RGS9: variants seen among roughly 807,000 people sequenced by gnomAD.
RGS9 encodes the protein regulator of G-protein signalling 9.
Under a neutral mutation model 102.0 loss-of-function variants are expected in RGS9, and 78 were observed. The observed-to-expected ratio is 0.76, with a 90% confidence interval of 0.64 to 0.92. The LOEUF (loss-of-function observed/expected upper bound fraction) is 0.92, where lower values mean the gene tolerates loss of function less well. RGS9 is among the 40% of genes least tolerant of loss of function. RGS9 has a pLI of 0.00. For synonymous variants in RGS9, 353 were observed against 318.6 expected (o/e 1.11, Z -1.15); for missense variants, 833 against 866.1 (o/e 0.96, Z 0.48).
chr17:65,191,812 G>A (rs975496730), intron 11 of RGS9, among the ~76,000 whole-genome samples: 4 of 152,186 alleles, frequency 2.6e-5, no homozygotes, highest in African/African-American at 7.2e-5. Flanking sequence ...ATAAGCCAGG[G>A]GGCTTGAGTT....
At chr17:65,190,096 C>T in intron 10 of RGS9, 79 bp from the exon 11 acceptor site, 1 of 1,165,014 alleles carries the variant, frequency 8.6e-7, no homozygotes, top group African/African-American at 1.5e-5. Context: ...TAAATGGCTT[C>T]TGGGTTTGGA....
chr17:65,210,730 C>A, intron 17 of RGS9, 125 bp downstream of exon 17: 1 of 1,501,416 alleles, frequency 6.7e-7, no homozygotes, highest in Non-Finnish European at 9.0e-7. Flanking sequence ...GGGTCAGAGT[C>A]TAGAAGGTTC....
chr17:65,162,065 A>G (rs115145410), intron 6 of RGS9, among the ~76,000 whole-genome samples: 1,809 of 152,012 alleles, frequency 0.012, 44 homozygotes, highest in African/African-American at 0.042. Context: ...CTTAGGGTTT[A>G]TTTTGTGAAT....
intron 9 of RGS9, among the ~76,000 whole-genome samples, chr17:65,187,910 C>A (rs1031858094): frequency 6.6e-6 from 1 of 152,182 alleles, no homozygotes; most frequent in Non-Finnish European, 1.5e-5. Context: ...GCAGGAGAAT[C>A]ACTTGAACCC....
chr17:65,179,189 A>G (rs1338313893), intron 9 of RGS9, among the ~76,000 whole-genome samples: 1 of 151,964 alleles, frequency 6.6e-6, no homozygotes, highest in Non-Finnish European at 1.5e-5. Flanking sequence ...AGGAGGGTGG[A>G]AGTGGGAGGG....
At chr17:65,210,755 G>A in intron 17 of RGS9, 150 bp downstream of exon 17, 1 of 1,360,476 alleles carries the variant, frequency 7.4e-7, no homozygotes. Flanking sequence ...CCCCATTTGT[G>A]GAGGTCATCA....
chr17:65,142,228 A>C lies in RGS9; in HGVS notation c.57+4631A>C, dbSNP rs148191569. 7.5e-3 allele frequency among the ~76,000 whole-genome samples: 1,136 copies of C among 152,326 alleles called. 15 individuals carry two copies. Among genetic ancestry groups the C allele is most frequent in the African/African-American group, 0.026 (1,073 of 41,568 alleles). On this transcript the variant is annotated intron_variant, in intron 1 of 18. Transcript: ENST00000262406. ...CACCGCACTCCAGCCTGGGTGACAG[A>C]GCAAGACTCAGTCTCAAAAAAAACC...
At chr17:65,194,548 G>A (rs547943767) in intron 12 of RGS9, among the ~76,000 whole-genome samples, 1 of 152,148 alleles carries the variant, frequency 6.6e-6, no homozygotes, top group Non-Finnish European at 1.5e-5. Context: ...GGCGGGCAGG[G>A]CCCTAAACCT....
At chr17:65,194,096 C>T (rs1274420286) in intron 12 of RGS9, among the ~76,000 whole-genome samples, 3 of 152,290 alleles carry the variant, frequency 2.0e-5, no homozygotes, top group African/African-American at 4.8e-5. Context: ...GTCAGTTGAC[C>T]TGTGTATTGA....
intron 13 of RGS9, among the ~76,000 whole-genome samples, chr17:65,198,756 C>T (rs577410160): frequency 8.5e-5 from 13 of 152,362 alleles, no homozygotes; most frequent in African/African-American, 3.1e-4. Flanking sequence ...CCAAGATCCA[C>T]TTGTCTGTGG....
At chr17:65,158,418 A>G in intron 3 of RGS9, 73 bp downstream of exon 3, 2 of 1,335,934 alleles carry the variant, frequency 1.5e-6, no homozygotes, top group South Asian at 1.2e-5. Context: ...CTAAATAGAG[A>G]CTTAGCCTGT....
chr17:65,190,308 C>G (rs544075347), intron 11 of RGS9, 72 bp downstream of exon 11: 11 of 1,194,152 alleles, frequency 9.2e-6, no homozygotes, highest in Non-Finnish European at 1.4e-5. Context: ...TCTGCAAACT[C>G]GACAAGTCCT....
chr17:65,137,451 T>TG lies in RGS9; in HGVS notation c.-86dup. Reference sequence around the variant, plus strand: ...CCGCCTCCCCGTCGACGCCCAGGGCTGGGGCGAGCCAGGCTGCCTTTCGAA... The same window carrying TG: ...CCGCCTCCCCGTCGACGCCCAGGGCTGGGGGCGAGCCAGGCTGCCTTTCGAA... On this transcript the variant is annotated 5_prime_UTR_variant, in exon 1 of 19. Coordinates refer to ENST00000262406, the MANE Select transcript of RGS9 (RefSeq NM_003835.4). The TG allele has an allele frequency of 7.3e-7, 1 of 1,370,960 alleles. No homozygotes were observed. Among genetic ancestry groups the TG allele is most frequent in the Admixed American group, 1.7e-5 (1 of 59,592 alleles). The allele number at this position is 1,370,960 out of a possible 1,614,324, so 84.9% of individuals were successfully genotyped here.
chr17:65,203,613 A>C (rs1912936046), intron 14 of RGS9, among the ~76,000 whole-genome samples: 1 of 152,230 alleles, frequency 6.6e-6, no homozygotes, highest in Non-Finnish European at 1.5e-5. Context: ...AGGTAGAGCC[A>C]CGGGCTCAGG....
chr17:65,160,380 A>C lies in RGS9; in HGVS notation c.312+41A>C, dbSNP rs1253396563. The C allele has an allele frequency of 2.5e-6, 4 of 1,572,062 alleles. No individual in the cohort carries two copies. In the African/African-American group the frequency reaches 5.4e-5, roughly 21 times the overall value. ...GACCCTGGCTGTTCATATGGGGTTG[A>C]TCTCATTTGAAAAGGTGGGGTTCAT... is the stretch of plus-strand genomic sequence containing the variant. On this transcript the variant is annotated intron_variant, in intron 4 of 18. Coordinates refer to ENST00000262406, the MANE Select transcript of RGS9 (RefSeq NM_003835.4).
intron 16 of RGS9, among the ~76,000 whole-genome samples, chr17:65,209,341 C>A (rs62065132): frequency 1.3e-5 from 2 of 152,206 alleles, no homozygotes; most frequent in African/African-American, 4.8e-5. Context: ...CAGTGTCAGG[C>A]TTTACATCCT....
intron 10 of RGS9, among the ~76,000 whole-genome samples, chr17:65,189,923 C>G (rs1399868168): frequency 1.3e-5 from 2 of 151,962 alleles, no homozygotes; most frequent in African/African-American, 4.8e-5. Context: ...TTGAATGCTC[C>G]TTAGAACTTT....
intron 8 of RGS9, among the ~76,000 whole-genome samples, chr17:65,168,545 CTTTT>C (rs5821624): frequency 4.7e-5 from 4 of 85,268 alleles, no homozygotes; most frequent in Non-Finnish European, 7.0e-5. Context: ...AGGGCTGGGA[CTTTT>C]TTTTTTTTTT....
chr17:65,207,925 T>G lies in RGS9; in HGVS notation c.1207T>G (p.Ser403Ala). The G allele has an allele frequency of 6.2e-7, 1 of 1,610,222 alleles. No homozygotes were observed. The highest frequency in any genetic ancestry group is 8.5e-7 in the Non-Finnish European group (1 of 1,176,702). The change falls in exon 16 of 19, where the codon TCT becomes GCT. Residue 403 changes from serine (S) to alanine (A), a missense_variant. By Grantham distance (99) the Ser-to-Ala change is moderately conservative (BLOSUM62 1). This residue lies in a region of RGS9 where 185 missense variants were observed against 248.7 expected (regional missense o/e 0.74). Transcript: ENST00000262406. ...THIYMLMKKD[S>A]YARYLKSPIY... ...GTTGTTTTCTTGTTCCCACTAGGAT[T>G]CTTATGCTCGCTATTTAAAATCTCC...
Sources: allele counts gnomAD v4.1 joint callset (sites outside exome capture counted in the v4.1 genomes callset), GRCh38; gene constraint gnomAD v4.1.1; regional missense constraint gnomAD v4.1.1; transcripts MANE v1.5; gene names NCBI Gene and HGNC (gene_info 2026-07-23, HGNC 2026-07-21).